Variants in NRG1 observed in about 807,000 individuals in gnomAD.
NRG1 encodes the protein pro-neuregulin-1, membrane-bound isoform.
In NRG1, 18 loss-of-function variants were observed where a neutral mutation model predicts 63.8. The ratio of observed to expected loss-of-function variants is 0.28; its 90% CI spans 0.19 to 0.42. NRG1 has a LOEUF of 0.42. NRG1 is among the 10% of genes least tolerant of loss of function. The pLI is 1.00. For missense variants in NRG1, 762 were observed against 814.7 expected (o/e 0.94, Z 0.79); for synonymous variants, 302 against 301.3 (o/e 1.00, Z -0.02).
chr8:32,192,652 A>G (rs968947562), intron 1 of NRG1, among the ~76,000 whole-genome samples: 1 of 152,174 alleles, frequency 6.6e-6, no homozygotes, highest in African/African-American at 2.4e-5. Flanking sequence ...TAGTTGGGTA[A>G]TGGGATTATT....
chr8:32,613,245 T>C (rs1159029240), intron 3 of NRG1, among the ~76,000 whole-genome samples: 3 of 151,992 alleles, frequency 2.0e-5, no homozygotes, highest in African/African-American at 7.2e-5. Context: ...TTAGAGAGGA[T>C]CATCCACACT....
intron 1 of NRG1, among the ~76,000 whole-genome samples, chr8:32,439,130 A>G (rs944311057): frequency 6.6e-6 from 1 of 152,222 alleles, no homozygotes; most frequent in African/African-American, 2.4e-5. Context: ...CATTTTACAT[A>G]TTCACAGATC....
chr8:32,605,488 A>T, intron 2 of NRG1, 74 bp from the exon 3 acceptor site: 2 of 1,564,166 alleles, frequency 1.3e-6, no homozygotes, highest in Admixed American at 3.5e-5. Flanking sequence ...CTCTGAAAGC[A>T]TAGAAAAGTA....
chr8:31,908,816 A>G (rs1832721454), intron 1 of NRG1, among the ~76,000 whole-genome samples: 1 of 152,232 alleles, frequency 6.6e-6, no homozygotes, highest in African/African-American at 2.4e-5. Context: ...ACAGAAATAT[A>G]AGGGAAAAAA....
chr8:32,044,504 C>G (rs1455231262), intron 1 of NRG1, among the ~76,000 whole-genome samples: 1 of 151,764 alleles, frequency 6.6e-6, no homozygotes, highest in African/African-American at 2.4e-5. Context: ...AATAGGCATT[C>G]TTTTCAAGTG....
At chr8:32,576,099 G>A (rs73234168) in intron 1 of NRG1, among the ~76,000 whole-genome samples, 35,019 of 152,014 alleles carry the variant, frequency 0.23, 4,218 homozygotes, top group Non-Finnish European at 0.26. Context: ...TTTAGCATAC[G>A]TGTCATCATC....
intron 6 of NRG1, among the ~76,000 whole-genome samples, chr8:32,738,641 A>G (rs1262809831): frequency 6.6e-6 from 1 of 152,234 alleles, no homozygotes; most frequent in Non-Finnish European, 1.5e-5. Context: ...GATAATAGAA[A>G]TGTATCAGAA....
At chr8:31,738,177 A>G (rs1289532956) in intron 1 of NRG1, among the ~76,000 whole-genome samples, 4 of 152,110 alleles carry the variant, frequency 2.6e-5, no homozygotes, top group Non-Finnish European at 5.9e-5. Context: ...CAAAGTCCTC[A>G]TAGCGGCCAC....
At chr8:31,793,989 A>C (rs1161900046) in intron 1 of NRG1, among the ~76,000 whole-genome samples, 1 of 151,250 alleles carries the variant, frequency 6.6e-6, no homozygotes, top group Non-Finnish European at 1.5e-5. Flanking sequence ...TCTTCTCTTA[A>C]CTTTATGTTT....
At chr8:31,984,823 A>G (rs1586262367) in intron 1 of NRG1, among the ~76,000 whole-genome samples, 1 of 152,142 alleles carries the variant, frequency 6.6e-6, no homozygotes, top group Non-Finnish European at 1.5e-5. Flanking sequence ...GGGATCTTGC[A>G]TTGTAAGCAC....
intron 1 of NRG1, among the ~76,000 whole-genome samples, chr8:31,718,190 G>C (rs75139527): frequency 6.8e-6 from 1 of 148,142 alleles, no homozygotes; most frequent in Non-Finnish European, 1.5e-5. Context: ...TTTTTTTTTT[G>C]TCTGAAGTTG....
At chr8:32,517,891 C>A (rs1262679858) in intron 1 of NRG1, among the ~76,000 whole-genome samples, 1 of 151,954 alleles carries the variant, frequency 6.6e-6, no homozygotes, top group Non-Finnish European at 1.5e-5. Flanking sequence ...AAATATATTA[C>A]CATATTAACA....
At chr8:32,446,425 T>A (rs1033336195) in intron 1 of NRG1, among the ~76,000 whole-genome samples, 3 of 151,976 alleles carry the variant, frequency 2.0e-5, no homozygotes, top group African/African-American at 7.3e-5. Flanking sequence ...GAGGCCAAGG[T>A]GGGAAGATCA....
At chr8:31,831,778 T>A (rs934518404) in intron 1 of NRG1, among the ~76,000 whole-genome samples, 3 of 152,128 alleles carry the variant, frequency 2.0e-5, no homozygotes, top group African/African-American at 7.2e-5. Flanking sequence ...TTATCACAGT[T>A]CCCTATGGCT....
chr8:31,744,652 C>T (rs1256340595), intron 1 of NRG1, among the ~76,000 whole-genome samples: 1 of 151,914 alleles, frequency 6.6e-6, no homozygotes, highest in African/African-American at 2.4e-5. Flanking sequence ...CCTTCCAAGC[C>T]CATGGGTCTT....
chr8:32,302,963 C>T (rs879632250), intron 1 of NRG1, among the ~76,000 whole-genome samples: 1 of 152,078 alleles, frequency 6.6e-6, no homozygotes, highest in Non-Finnish European at 1.5e-5. Flanking sequence ...GGGCGGATCA[C>T]CTGAGGTCAG....
chr8:32,403,579 G>A lies in NRG1; in HGVS notation c.38-192249G>A, dbSNP rs150715742. The stretch of plus-strand genomic sequence containing the variant: ...TGACAAGGAAAGCCTTCTCTAAATA[G>A]AGTATCTGAATCCCTCCCTGCTCGA... On this transcript the variant is annotated intron_variant, in intron 1 of 10. Coordinates refer to the NRG1 transcript ENST00000519301. 2.3e-3 allele frequency among the ~76,000 whole-genome samples: 352 copies of A among 152,230 alleles called. 1 individual carries two copies. Among genetic ancestry groups the A allele is most frequent in the African/African-American group, 8.0e-3 (331 of 41,542 alleles).
At chr8:32,391,533 G>C (rs1250319431) in intron 1 of NRG1, among the ~76,000 whole-genome samples, 1 of 152,038 alleles carries the variant, frequency 6.6e-6, no homozygotes, top group African/African-American at 2.4e-5. Flanking sequence ...CGCCCAGATA[G>C]ACACCAGGGT....
intron 1 of NRG1, among the ~76,000 whole-genome samples, chr8:32,200,369 A>T (rs1843381198): frequency 6.6e-6 from 1 of 152,162 alleles, no homozygotes; most frequent in Admixed American, 6.6e-5. Context: ...TTCATAGAGC[A>T]CGTTGTTCTC....
Sources: allele counts gnomAD v4.1 joint callset (sites outside exome capture counted in the v4.1 genomes callset), GRCh38; gene constraint gnomAD v4.1.1; transcripts MANE v1.5; gene names NCBI Gene and HGNC (gene_info 2026-07-23, HGNC 2026-07-21).